The following ESR2 variants were observed in gnomAD, a reference collection of about 807,000 sequenced individuals.
ESR2 encodes the protein estrogen receptor beta.
In ESR2, 36 loss-of-function variants were observed where a neutral mutation model predicts 49.6. That is an observed-to-expected ratio of 0.73 (90% CI 0.56 to 0.96). The LOEUF (loss-of-function observed/expected upper bound fraction) is 0.96, where lower values mean the gene tolerates loss of function less well. Ranked by LOEUF, ESR2 falls within the 40% of genes least tolerant of loss-of-function variation. The probability of loss-of-function intolerance (pLI) is 0.00; values close to 1 mark genes in which losing one functional copy is unlikely to be tolerated. For synonymous variants in ESR2, 320 were observed against 266.1 expected (o/e 1.20, Z -1.97); for missense variants, 714 against 693.0 (o/e 1.03, Z -0.34).
chr14:64,260,746 A>G lies in ESR2; in HGVS notation c.655T>C (p.Ser219Pro). ...CYEVGMVKCG[S>P]RRERCGYRLV... Reference sequence around the variant, plus strand: ...CGGTACCCACATCTCTCTCTCCGGGAGCCTGAAGAGGAAAGCAGAGTCATT... The same window carrying G: ...CGGTACCCACATCTCTCTCTCCGGGGGCCTGAAGAGGAAAGCAGAGTCATT... Residue 219 changes from serine (S) to proline (P), a missense_variant and splice_region_variant, in exon 5 of 9, where the codon TCC (serine) becomes CCC (proline). Transcript: ENST00000341099. 6.8e-7 allele frequency: 1 copy of G among 1,476,490 alleles called. No individual in the cohort carries two copies. The highest frequency in any genetic ancestry group is 1.4e-5 in the South Asian group (1 of 69,348). 91.5% of individuals were successfully genotyped at this position (1,476,490 alleles called of 1,614,324 possible).
chr14:64,334,853 G>A (rs190835637), intron 1 of ESR2, among the ~76,000 whole-genome samples: 5 of 152,298 alleles, frequency 3.3e-5, no homozygotes, highest in South Asian at 2.1e-4. Flanking sequence ...CACCATGTTG[G>A]CCAAGCTGGT....
intron 3 of ESR2, among the ~76,000 whole-genome samples, chr14:64,270,194 A>G (rs1326050142): frequency 6.6e-6 from 1 of 152,218 alleles, no homozygotes; most frequent in East Asian, 1.9e-4. Context: ...CAAGTCATAA[A>G]AGAAAAAAGT....
At chr14:64,248,752 T>C (rs2075922149) in intron 7 of ESR2, among the ~76,000 whole-genome samples, 1 of 152,154 alleles carries the variant, frequency 6.6e-6, no homozygotes, top group Non-Finnish European at 1.5e-5. Context: ...GTCAAGTCCT[T>C]TGCTCCCTGA....
At chr14:64,332,441 G>A (rs1318070075) in intron 1 of ESR2, 2 of 152,124 alleles carry the variant, frequency 1.3e-5, no homozygotes, top group African/African-American at 4.8e-5. Context: ...ATATTTTGTG[G>A]CTTTCTTAAA....
intron 1 of ESR2, among the ~76,000 whole-genome samples, chr14:64,299,637 C>T (rs2077000506): frequency 6.6e-6 from 1 of 152,172 alleles, no homozygotes; most frequent in Non-Finnish European, 1.5e-5. Flanking sequence ...GCTGGGATTA[C>T]AGGCGTCAGC....
chr14:64,332,714 G>A (rs892340075), intron 1 of ESR2, among the ~76,000 whole-genome samples: 4 of 148,464 alleles, frequency 2.7e-5, no homozygotes, highest in African/African-American at 9.9e-5. Flanking sequence ...GCAGGAGAAT[G>A]ACATGAACCC....
chr14:64,292,974 C>T (rs1430724720), intron 1 of ESR2, among the ~76,000 whole-genome samples: 1 of 152,088 alleles, frequency 6.6e-6, no homozygotes, highest in African/African-American at 2.4e-5. Flanking sequence ...CATCTGATGG[C>T]TTTTAAAATA....
intron 1 of ESR2, among the ~76,000 whole-genome samples, chr14:64,331,279 A>G (rs889510547): frequency 6.6e-6 from 1 of 152,270 alleles, no homozygotes; most frequent in African/African-American, 2.4e-5. Flanking sequence ...GTGAGATTTC[A>G]TAACGATAAA....
At chr14:64,259,389 C>A (rs558600581) in intron 5 of ESR2, among the ~76,000 whole-genome samples, 46 of 152,304 alleles carry the variant, frequency 3.0e-4, no homozygotes, top group Admixed American at 1.9e-3. Flanking sequence ...CGCTGCCCTC[C>A]AGGCCATGGG....
At chr14:64,257,385 T>G (rs1195965899) in intron 5 of ESR2, 21 bp from the exon 6 acceptor site, 1 of 1,611,996 alleles carries the variant, frequency 6.2e-7, no homozygotes, top group Non-Finnish European at 8.5e-7. Flanking sequence ...CAAGAGGCGG[T>G]GAGACACCCC....
chr14:64,311,282 C>T (rs934275869), intron 1 of ESR2, among the ~76,000 whole-genome samples: 3 of 152,106 alleles, frequency 2.0e-5, no homozygotes, highest in Admixed American at 1.3e-4. Context: ...GTTTGGGCTT[C>T]TTGACGTTTC....
chr14:64,289,521 TAAAGAA>T (rs551773660), intron 1 of ESR2, among the ~76,000 whole-genome samples: 235 of 134,206 alleles, frequency 1.8e-3, no homozygotes, highest in Non-Finnish European at 2.7e-3. Context: ...TCAAAAAAAA[TAAAGAA>T]AAAGAAAAAG....
Position 64,249,998 on chromosome 14 carries a change from C to T in ESR2, c.1092-319G>A, listed in dbSNP as rs79500066. Among the ~76,000 whole-genome samples, 478 of 152,330 alleles carry T rather than the reference C, an allele frequency of 3.1e-3. 3 individuals carry two copies. Among genetic ancestry groups the T allele is most frequent in the African/African-American group, 0.011 (460 of 41,578 alleles). ...CAAATGTTTTCTTACAGCAATACCACTCCTATTGATTGTTTTCAATCAAAA... is the reference window on the plus strand; with the variant it reads ...CAAATGTTTTCTTACAGCAATACCATTCCTATTGATTGTTTTCAATCAAAA... On this transcript the variant is annotated intron_variant, in intron 6 of 8. Coordinates refer to ENST00000341099, the MANE Select transcript of ESR2 (RefSeq NM_001437.3).
chr14:64,238,859 C>T (rs1363840892), intron 7 of ESR2, among the ~76,000 whole-genome samples: 1 of 152,128 alleles, frequency 6.6e-6, no homozygotes, highest in Non-Finnish European at 1.5e-5. Flanking sequence ...CCTTTATCAG[C>T]TGGGAACAGC....
intron 1 of ESR2, among the ~76,000 whole-genome samples, chr14:64,320,592 A>G (rs1272756896): frequency 6.6e-6 from 1 of 152,108 alleles, no homozygotes; most frequent in African/African-American, 2.4e-5. Context: ...CCCGGACTTT[A>G]GTTAATAATA....
chr14:64,312,505 A>C (rs1046622393), intron 1 of ESR2, among the ~76,000 whole-genome samples: 1 of 152,178 alleles, frequency 6.6e-6, no homozygotes, highest in Non-Finnish European at 1.5e-5. Context: ...AGAGAAAAGA[A>C]AGGTGGCTTG....
intron 1 of ESR2, among the ~76,000 whole-genome samples, chr14:64,334,544 T>C (rs1018791916): frequency 2.0e-5 from 3 of 152,202 alleles, no homozygotes; most frequent in Admixed American, 2.0e-4. Flanking sequence ...TACCTCCACA[T>C]TGGCCATATT....
chr14:64,237,249 T>C (rs1262104834), intron 7 of ESR2, among the ~76,000 whole-genome samples: 1 of 152,164 alleles, frequency 6.6e-6, no homozygotes, highest in Non-Finnish European at 1.5e-5. Flanking sequence ...CGTGAGCCAC[T>C]GTGCCCGGCC....
chr14:64,326,227 T>C (rs1432967809), intron 1 of ESR2, among the ~76,000 whole-genome samples: 1 of 152,092 alleles, frequency 6.6e-6, no homozygotes, highest in African/African-American at 2.4e-5. Context: ...CCAACAGACT[T>C]CTATAAAATC....
Sources: gnomAD v4.1 joint callset for allele counts (sites outside exome capture counted in the v4.1 genomes callset) on GRCh38, gnomAD v4.1.1 for gene constraint, MANE v1.5 for transcripts, NCBI Gene and HGNC (gene_info 2026-07-23, HGNC 2026-07-21) for gene names.